C9orf50: variants seen among roughly 807,000 people sequenced by gnomAD.
C9orf50 encodes uncharacterized protein C9orf50.
A neutral mutation model predicts 42.5 loss-of-function variants in C9orf50; 33 were observed. The ratio of observed to expected loss-of-function variants is 0.78; its 90% CI spans 0.59 to 1.04. The LOEUF (loss-of-function observed/expected upper bound fraction) is 1.04, where lower values mean the gene tolerates loss of function less well. Among genes scored for constraint, C9orf50 ranks in the 50% least tolerant of loss-of-function variants. The pLI is 0.00. For missense variants in C9orf50, 547 were observed against 594.3 expected (o/e 0.92, Z 0.83); for synonymous variants, 257 against 273.4 (o/e 0.94, Z 0.59).
chr9:129,616,317 G>C (rs556432170), intron 3 of C9orf50, among the ~76,000 whole-genome samples: 1 of 152,288 alleles, frequency 6.6e-6, no homozygotes, highest in African/African-American at 2.4e-5. Flanking sequence ...CCGGGTTCAC[G>C]CCATTCTCCT....
rs1460389860 is a variant in C9orf50 at position 129,614,045 on chromosome 9, GC to G, written c.881-449del. ...GAAAGGGCTGGGAAGCAGCAGGCTG[GC>G]CCCCACGTCTCCTGGGCACCCTGCT... On this transcript the variant is annotated intron_variant, in intron 4 of 6. Transcript: ENST00000372478. This position sits in a 1 kb window ranked among gnomAD's most constrained non-coding sequence, Gnocchi z 4.4. 1.3e-5 allele frequency among the ~76,000 whole-genome samples: 2 copies of G among 152,160 alleles called. No individual in the cohort carries two copies. The highest frequency in any genetic ancestry group is 4.8e-5 in the African/African-American group (2 of 41,436).
In C9orf50 at chr9:129,620,361, C is replaced by G. The variant is rs1564339442; in HGVS notation, c.214G>C (p.Gly72Arg). The change falls in exon 1 of 7, where the codon GGC (glycine) becomes CGC (arginine). Residue 72 changes from glycine (G) to arginine (R), a missense_variant. Around this residue, in one of 3 missense-constraint regions of C9orf50, gnomAD observed 108 missense variants for 172.1 expected, o/e 0.63. Transcript: ENST00000372478. This position sits in a 1 kb window ranked among gnomAD's most constrained non-coding sequence, Gnocchi z 5.8. ...AGGCGCGGCGGGAGGCGTCCGACGC[C>G]CACCCCGGGCTTGGCGTCCCCTTCC... The G allele has an allele frequency of 8.1e-7, 1 of 1,227,894 alleles. No homozygotes were observed. The highest frequency in any genetic ancestry group is 4.0e-5 in the South Asian group (1 of 25,214). The allele number at this position is 1,227,894 out of a possible 1,614,324, so 76.1% of individuals were successfully genotyped here. A position where few individuals can be genotyped will look rare whatever the true frequency, so the allele number is the denominator to read the frequency against.
upstream of C9orf50, among the ~76,000 whole-genome samples, chr9:129,621,832 G>C (rs1301240041): frequency 6.6e-6 from 1 of 152,160 alleles, no homozygotes; most frequent in Non-Finnish European, 1.5e-5. Flanking sequence ...CACTCACCCT[G>C]GTGGGCTTCT....
chr9:129,615,524 C>T, exon 4 of C9orf50: 1 of 1,610,670 alleles, frequency 6.2e-7, no homozygotes, highest in Non-Finnish European at 8.5e-7. Flanking sequence ...TTGTGTCCTG[C>T]AGGGTCTCGT....
intron 3 of C9orf50, among the ~76,000 whole-genome samples, chr9:129,615,862 A>G (rs113083849): frequency 6.6e-5 from 10 of 152,360 alleles, no homozygotes; most frequent in African/African-American, 2.4e-4. Context: ...AAATGCACAC[A>G]GTCCCCATGA....
intron 3 of C9orf50, among the ~76,000 whole-genome samples, chr9:129,616,613 G>T (rs1393017211): frequency 1.3e-5 from 2 of 151,996 alleles, no homozygotes; most frequent in African/African-American, 4.8e-5. Flanking sequence ...CATTCTGCAG[G>T]TTTTTTTCCC....
In C9orf50 at chr9:129,620,372, T is replaced by C; in HGVS notation, c.203A>G (p.Lys68Arg). The stretch of plus-strand genomic sequence containing the variant: ...GAGGCGTCCGACGCCCACCCCGGGC[T>C]TGGCGTCCCCTTCCGGCCACCACGC... The change falls in exon 1 of 7, where the codon AAG becomes AGG. Residue 68 changes from lysine to arginine, a missense_variant. Lys to Arg is a conservative substitution (Grantham distance 26). This residue lies in a region of C9orf50 where 108 missense variants were observed against 172.1 expected (regional missense o/e 0.63). Transcript: ENST00000372478. This position sits in a 1 kb window ranked among gnomAD's most constrained non-coding sequence, Gnocchi z 5.8. 8.1e-7 allele frequency: 1 copy of C among 1,227,870 alleles called. No homozygotes were observed. The highest frequency in any genetic ancestry group is 1.0e-6 in the Non-Finnish European group (1 of 986,114). 76.1% of individuals were successfully genotyped at this position (1,227,870 alleles called of 1,614,324 possible).
intron 6 of C9orf50, 69 bp from the exon 7 acceptor site, chr9:129,612,523 G>A (rs1830142162): frequency 8.0e-7 from 1 of 1,248,546 alleles, no homozygotes; most frequent in Non-Finnish European, 1.2e-6. Context: ...CTCCCAGTGG[G>A]ATTCTGTGCT....
At chr9:129,619,023 G>C (rs1430988459) in intron 3 of C9orf50, among the ~76,000 whole-genome samples, 1 of 152,080 alleles carries the variant, frequency 6.6e-6, no homozygotes, top group East Asian at 1.9e-4. Context: ...CGAAGTGTGG[G>C]AGTTTTAGAT....
intron 3 of C9orf50, among the ~76,000 whole-genome samples, chr9:129,618,914 C>T (rs1830530298): frequency 6.7e-6 from 1 of 149,190 alleles, no homozygotes; most frequent in South Asian, 2.1e-4. Context: ...CGGGGTTTCA[C>T]CGTGTTATCC....
At chr9:129,618,315 C>A (rs544078046) in intron 3 of C9orf50, among the ~76,000 whole-genome samples, 8 of 152,182 alleles carry the variant, frequency 5.3e-5, no homozygotes, top group African/African-American at 1.9e-4. Context: ...TTACCTCCAT[C>A]CCTTAGTTTT....
rs1282846573 is a variant in C9orf50 at position 129,620,151 on chromosome 9, A to G, written c.424T>C (p.Phe142Leu). The change falls in exon 1 of 7, where the codon TTC becomes CTC. Residue 142 changes from phenylalanine (F) to leucine (L), a missense_variant. By Grantham distance (22) the Phe-to-Leu change is conservative. Around this residue, in one of 3 missense-constraint regions of C9orf50, gnomAD observed 108 missense variants for 172.1 expected, o/e 0.63. Transcript: ENST00000372478. This position sits in a 1 kb window ranked among gnomAD's most constrained non-coding sequence, Gnocchi z 5.8. ...CTGCTGGGGAGGAGCTCTCCTAGGAAGGCGCCCAAGAAGTCGGGGTCCTCC... is the reference window on the plus strand; with the variant it reads ...CTGCTGGGGAGGAGCTCTCCTAGGAGGGCGCCCAAGAAGTCGGGGTCCTCC... 6.2e-6 allele frequency: 9 copies of G among 1,462,422 alleles called. No individual in the cohort carries two copies. In the Admixed American group the frequency reaches 1.6e-4, roughly 26 times the overall value. The allele number at this position is 1,462,422 out of a possible 1,614,324, so 90.6% of individuals were successfully genotyped here. A position where few individuals can be genotyped will look rare whatever the true frequency, so the allele number is the denominator to read the frequency against.
At chr9:129,619,426 T>G in intron 3 of C9orf50, 94 bp downstream of exon 3, 1 of 887,358 alleles carries the variant, frequency 1.1e-6, no homozygotes, top group Non-Finnish European at 1.8e-6. Flanking sequence ...GATAGGTGGA[T>G]AAATGAATAC....
intron 3 of C9orf50, among the ~76,000 whole-genome samples, chr9:129,618,064 C>T (rs1317711547): frequency 6.6e-6 from 1 of 152,156 alleles, no homozygotes; most frequent in Non-Finnish European, 1.5e-5. Context: ...TTCTGAGGCT[C>T]AGTGGGGAAA....
upstream of C9orf50, among the ~76,000 whole-genome samples, chr9:129,621,715 G>A (rs1372512199): frequency 6.6e-6 from 1 of 152,076 alleles, no homozygotes; most frequent in Non-Finnish European, 1.5e-5. Flanking sequence ...CAGAGCCCCA[G>A]TCTTACTCCC....
At position 129,619,835 on chromosome 9, in the gene C9orf50, A is replaced by G; in HGVS notation, c.509-5T>C. 1 of 1,613,910 alleles carries G rather than the reference A, an allele frequency of 6.2e-7. No homozygotes were observed. The highest frequency in any genetic ancestry group is 8.5e-7 in the Non-Finnish European group (1 of 1,179,858). ...GATGTTGCGGTGCTGGGGATGCTGG[A>G]GCCAGGAGGAAACAGTTGTGAGCCT... On this transcript the variant is annotated splice_region_variant and splice_polypyrimidine_tract_variant and intron_variant, in intron 1 of 6. Coordinates refer to ENST00000372478, the Ensembl canonical transcript of C9orf50.
chr9:129,617,076 A>G (rs2996674), intron 3 of C9orf50, among the ~76,000 whole-genome samples: 4,370 of 94,468 alleles, frequency 0.046, 66 homozygotes, highest in African/African-American at 0.097. Context: ...AAAAAAAAAG[A>G]AAAAAAAAAT....
Position 129,619,504 on chromosome 9 carries a change from C to T in C9orf50, c.716+16G>A, listed in dbSNP as rs1323089094. 2 of 1,583,698 alleles carry T rather than the reference C, an allele frequency of 1.3e-6. No homozygotes were observed. Among genetic ancestry groups the T allele is most frequent in the South Asian group, 1.1e-5 (1 of 89,950 alleles). Reference sequence around the variant, plus strand: ...CTTTCCTCCACTACCCTACCCTTATCCCGCCCATCACTCACTGGTTGGCCT... The same window carrying T: ...CTTTCCTCCACTACCCTACCCTTATTCCGCCCATCACTCACTGGTTGGCCT... On this transcript the variant is annotated intron_variant, in intron 3 of 6. Coordinates refer to ENST00000372478, the Ensembl canonical transcript of C9orf50.
At chr9:129,617,797 C>T (rs894714824) in intron 3 of C9orf50, among the ~76,000 whole-genome samples, 5 of 152,196 alleles carry the variant, frequency 3.3e-5, no homozygotes, top group Non-Finnish European at 5.9e-5. Flanking sequence ...AATCCTCCCA[C>T]CTCAGCCTCC....
Sources: allele counts gnomAD v4.1 joint callset (sites outside exome capture counted in the v4.1 genomes callset), GRCh38; gene constraint gnomAD v4.1.1; regional missense constraint gnomAD v4.1.1; non-coding constraint Gnocchi (gnomAD v3.1); transcripts MANE v1.5; gene names NCBI Gene and HGNC (gene_info 2026-07-23, HGNC 2026-07-21).